GRM7: variants seen among roughly 807,000 people sequenced by gnomAD.
The protein encoded by GRM7 is metabotropic glutamate receptor 7.
In GRM7, 35 loss-of-function variants were observed where a neutral mutation model predicts 84.5. The observed-to-expected ratio is 0.41, with a 90% CI of 0.32 to 0.55. The LOEUF is 0.55. GRM7 is among the 20% of genes least tolerant of loss of function. The probability of loss-of-function intolerance (pLI) is 0.19; values close to 1 mark genes in which losing one functional copy is unlikely to be tolerated. For synonymous variants in GRM7, 487 were observed against 455.1 expected (o/e 1.07, Z -0.89); for missense variants, 1,003 against 1,194.6 (o/e 0.84, Z 2.36).
intron 1 of GRM7, among the ~76,000 whole-genome samples, chr3:6,943,754 G>T (rs531701869): frequency 1.1e-4 from 16 of 151,980 alleles, no homozygotes; most frequent in Admixed American, 3.9e-4. Context: ...GGGTTTCATT[G>T]AATGTATTCA....
At chr3:7,373,001 A>T (rs991895634) in intron 4 of GRM7, among the ~76,000 whole-genome samples, 1 of 152,174 alleles carries the variant, frequency 6.6e-6, no homozygotes, top group Non-Finnish European at 1.5e-5. Context: ...TTTAGAAAGC[A>T]TAATTAGAAC....
At chr3:7,015,678 T>C (rs923735955) in intron 1 of GRM7, among the ~76,000 whole-genome samples, 11 of 152,330 alleles carry the variant, frequency 7.2e-5, no homozygotes, top group Non-Finnish European at 1.3e-4. Context: ...AGCCAGAGAA[T>C]ACATTTCCAA....
intron 9 of GRM7, among the ~76,000 whole-genome samples, chr3:7,695,069 A>AT (rs1247938186): frequency 2.6e-5 from 4 of 152,138 alleles, no homozygotes; most frequent in Admixed American, 2.6e-4. Context: ...AAAATGATTG[A>AT]TTTTTGAAAA....
At chr3:7,341,556 C>G (rs760496208) in intron 4 of GRM7, among the ~76,000 whole-genome samples, 12 of 151,988 alleles carry the variant, frequency 7.9e-5, no homozygotes, top group Non-Finnish European at 1.0e-4. Context: ...AGCTTGCAGT[C>G]TAGTATATAG....
At chr3:6,892,321 C>G (rs1695989752) in intron 1 of GRM7, among the ~76,000 whole-genome samples, 1 of 152,066 alleles carries the variant, frequency 6.6e-6, no homozygotes, top group Non-Finnish European at 1.5e-5. Context: ...CATCCCGTAT[C>G]CTGCTCCTGT....
At chr3:7,438,044 A>G (rs1697131320) in intron 5 of GRM7, among the ~76,000 whole-genome samples, 1 of 152,132 alleles carries the variant, frequency 6.6e-6, no homozygotes, top group Non-Finnish European at 1.5e-5. Context: ...AGGGAGTCAG[A>G]TTACACTGAG....
At chr3:7,006,335 G>A (rs1324112549) in intron 1 of GRM7, among the ~76,000 whole-genome samples, 1 of 152,124 alleles carries the variant, frequency 6.6e-6, no homozygotes, top group East Asian at 1.9e-4. Flanking sequence ...CTAGCAGAAA[G>A]TGTGTGAAAA....
At chr3:7,649,468 A>G (rs1371104223) in intron 8 of GRM7, among the ~76,000 whole-genome samples, 1 of 152,188 alleles carries the variant, frequency 6.6e-6, no homozygotes, top group Non-Finnish European at 1.5e-5. Context: ...AAGGTTTCAA[A>G]AAATATTAAA....
At chr3:7,598,622 T>C (rs1575539114) in intron 8 of GRM7, among the ~76,000 whole-genome samples, 1 of 152,230 alleles carries the variant, frequency 6.6e-6, no homozygotes, top group Non-Finnish European at 1.5e-5. Flanking sequence ...AGTAGGACTT[T>C]ATAATTCTTG....
chr3:7,297,422 T>TA (rs750371649), intron 2 of GRM7, among the ~76,000 whole-genome samples: 1 of 152,218 alleles, frequency 6.6e-6, no homozygotes, highest in African/African-American at 2.4e-5. Flanking sequence ...TCTTAATAAA[T>TA]ATTGCATTTG....
intron 5 of GRM7, among the ~76,000 whole-genome samples, chr3:7,434,551 G>T (rs550123305): frequency 6.6e-5 from 10 of 152,240 alleles, no homozygotes; most frequent in African/African-American, 2.4e-4. Flanking sequence ...TATCTGTTGA[G>T]ATGATAATAC....
chr3:6,882,590 C>A (rs1472657495), intron 1 of GRM7, among the ~76,000 whole-genome samples: 2 of 152,132 alleles, frequency 1.3e-5, no homozygotes, highest in East Asian at 1.9e-4. Flanking sequence ...ATCCCATTAT[C>A]CCATTTCCAA....
At chr3:6,959,727 T>C (rs2125080291) in intron 1 of GRM7, among the ~76,000 whole-genome samples, 1 of 152,332 alleles carries the variant, frequency 6.6e-6, no homozygotes, top group South Asian at 2.1e-4. Context: ...CAGATTCATT[T>C]AGAATCCATT....
At position 7,578,212 on chromosome 3, in the gene GRM7, C is replaced by T. The variant is rs542140500; in HGVS notation, c.1516-210C>T. 2.1e-3 allele frequency among the ~76,000 whole-genome samples: 318 copies of T among 152,116 alleles called. 2 individuals are homozygous for T. In the Middle Eastern group the frequency reaches 0.024, roughly 11 times the overall value. On this transcript the variant is annotated intron_variant, in intron 7 of 9. Coordinates refer to ENST00000357716, the MANE Select transcript of GRM7 (RefSeq NM_000844.4). ...CTCAGGGAATTCTTAAGATCTGGCACGTTGAGAACACTCTAATGGTGAAGA... is the reference window on the plus strand; with the variant it reads ...CTCAGGGAATTCTTAAGATCTGGCATGTTGAGAACACTCTAATGGTGAAGA...
intron 4 of GRM7, among the ~76,000 whole-genome samples, chr3:7,322,517 A>G (rs941761397): frequency 6.6e-6 from 1 of 151,928 alleles, no homozygotes; most frequent in Non-Finnish European, 1.5e-5. Flanking sequence ...AACAGTGTAC[A>G]CTGTACCTAA....
intron 2 of GRM7, among the ~76,000 whole-genome samples, chr3:7,229,433 T>C (rs1697087708): frequency 6.6e-6 from 1 of 151,828 alleles, no homozygotes; most frequent in African/African-American, 2.4e-5. Context: ...TCCAACGCCT[T>C]ACCTAGAAGT....
chr3:7,055,709 C>G lies in GRM7; in HGVS notation c.520-90743C>G, dbSNP rs558361004. 3.3e-5 allele frequency among the ~76,000 whole-genome samples: 5 copies of G among 151,906 alleles called. No individual in the cohort carries two copies. In the South Asian group the frequency reaches 1.0e-3, roughly 32 times the overall value. On this transcript the variant is annotated intron_variant, in intron 1 of 9. Transcript: ENST00000357716. ...CAACTTTTTGTATTTCTAGTAGAGA[C>G]AGGATTTCACCATGTTTGCTACGCT...
chr3:7,711,875 CCTGTTCTTT>C (rs1701592991), intron 9 of GRM7, among the ~76,000 whole-genome samples: 1 of 152,200 alleles, frequency 6.6e-6, no homozygotes, highest in African/African-American at 2.4e-5. Flanking sequence ...CGGCTTACCT[CCTGTTCTTT>C]CTGTACCCAC....
At chr3:7,282,504 G>A (rs1330995388) in intron 2 of GRM7, among the ~76,000 whole-genome samples, 1 of 152,114 alleles carries the variant, frequency 6.6e-6, no homozygotes, top group African/African-American at 2.4e-5. Context: ...GTCATCACTA[G>A]ATCATCCAGA....
Sources: gnomAD v4.1 joint callset for allele counts (sites outside exome capture counted in the v4.1 genomes callset) on GRCh38, gnomAD v4.1.1 for gene constraint, MANE v1.5 for transcripts, NCBI Gene and HGNC (gene_info 2026-07-23, HGNC 2026-07-21) for gene names.